The following VAC14 variants were observed in gnomAD, a reference collection of about 807,000 sequenced individuals.
VAC14 encodes VAC14 component of PIKFYVE complex.
VAC14 carries 47 observed loss-of-function variants against 85.3 expected under a neutral mutation model. That is an observed-to-expected ratio of 0.55 (90% CI 0.44 to 0.70). The LOEUF (loss-of-function observed/expected upper bound fraction) is 0.70. VAC14 is among the 30% of genes least tolerant of loss of function. VAC14 has a pLI of 0.00. For missense variants in VAC14, 861 were observed against 1,004.3 expected (o/e 0.86, Z 1.93); for synonymous variants, 447 against 430.5 (o/e 1.04, Z -0.47).
intron 14 of VAC14, among the ~76,000 whole-genome samples, chr16:70,703,171 G>A (rs954754681): frequency 1.3e-5 from 2 of 152,264 alleles, no homozygotes; most frequent in African/African-American, 4.8e-5. Flanking sequence ...CCCCAGCCCA[G>A]CTTGAGTTGC....
intron 15 of VAC14, 84 bp from the exon 16 acceptor site, chr16:70,697,341 ACAGGTCTAAGTCC>A: frequency 8.6e-7 from 1 of 1,167,132 alleles, no homozygotes; most frequent in Non-Finnish European, 1.3e-6. Flanking sequence ...GGGAAGGGCC[ACAGGTCTAAGTCC>A]CAGGGGCCTT....
chr16:70,751,425 C>T (rs986390542), intron 12 of VAC14, among the ~76,000 whole-genome samples: 40 of 152,220 alleles, frequency 2.6e-4, no homozygotes, highest in South Asian at 2.1e-4. Context: ...GCGGTCAGGT[C>T]GCAGGGCCTT....
rs751417150 is a variant in VAC14 at position 70,784,855 on chromosome 16, CAG to C, written c.424-19_424-18del. The C allele has an allele frequency of 3.1e-6, 5 of 1,612,780 alleles. No homozygotes were observed. Among genetic ancestry groups the C allele is most frequent in the Admixed American group, 3.3e-5 (2 of 59,986 alleles). On this transcript the variant is annotated intron_variant, in intron 3 of 18. Coordinates refer to ENST00000261776, the MANE Select transcript of VAC14 (RefSeq NM_018052.5). Reference sequence around the variant, plus strand: ...GGCTGCCAGCTGCAAGAGGCACAGACAGGGGAGGGACACAGAGGCGAGGGTCA... The same window carrying C: ...GGCTGCCAGCTGCAAGAGGCACAGACGGGAGGGACACAGAGGCGAGGGTCA...
chr16:70,760,039 G>A (rs181798553), intron 12 of VAC14, among the ~76,000 whole-genome samples: 11 of 152,304 alleles, frequency 7.2e-5, no homozygotes, highest in Non-Finnish European at 1.5e-4. Context: ...GGTCTAGCGC[G>A]ATTCCTCCCA....
At chr16:70,728,228 G>A (rs1597894282) in intron 14 of VAC14, among the ~76,000 whole-genome samples, 1 of 152,126 alleles carries the variant, frequency 6.6e-6, no homozygotes, top group African/African-American at 2.4e-5. Context: ...TGAGCCCCTG[G>A]AGGGTGGGAA....
intron 1 of VAC14, among the ~76,000 whole-genome samples, chr16:70,788,059 T>A (rs2034151301): frequency 6.6e-6 from 1 of 152,246 alleles, no homozygotes; most frequent in African/African-American, 2.4e-5. Context: ...ATGGCAGGTA[T>A]CTTGCTCACC....
At chr16:70,695,109 CT>C (rs574700749) in intron 17 of VAC14, among the ~76,000 whole-genome samples, 42,288 of 136,388 alleles carry the variant, frequency 0.31, 7,819 homozygotes, top group Non-Finnish European at 0.43. Flanking sequence ...TCATCCCAGT[CT>C]TTTTTTTTTT....
chr16:70,696,879 A>G (rs897104879), intron 16 of VAC14: 22 of 417,130 alleles, frequency 5.3e-5, no homozygotes, highest in African/African-American at 4.3e-4. Context: ...GGGCCTACTC[A>G]GTCCCAATCC....
intron 13 of VAC14, among the ~76,000 whole-genome samples, chr16:70,737,070 A>G (rs2054779600): frequency 6.6e-6 from 1 of 152,076 alleles, no homozygotes; most frequent in African/African-American, 2.4e-5. Context: ...CAGGCTCAGG[A>G]GGAGGAGATG....
At chr16:70,695,659 C>T (rs754946697) in intron 16 of VAC14, 36 bp from the exon 17 acceptor site, 9 of 1,599,602 alleles carry the variant, frequency 5.6e-6, no homozygotes, top group Non-Finnish European at 5.1e-6. Context: ...GTCTGCTGGG[C>T]CAGCACAGCC....
At chr16:70,737,595 G>A (rs1341008624) in intron 13 of VAC14, among the ~76,000 whole-genome samples, 12 of 152,194 alleles carry the variant, frequency 7.9e-5, no homozygotes, top group Admixed American at 3.9e-4. Context: ...GCACGTGACC[G>A]GCGGCTGGCC....
At chr16:70,731,416 G>T in intron 14 of VAC14, 79 bp downstream of exon 14, 1 of 1,552,776 alleles carries the variant, frequency 6.4e-7, no homozygotes, top group Non-Finnish European at 8.7e-7. Flanking sequence ...GAAGGTGGCT[G>T]CTTTGACACT....
At chr16:70,696,120 C>A (rs1247891025) in intron 16 of VAC14, among the ~76,000 whole-genome samples, 1 of 152,226 alleles carries the variant, frequency 6.6e-6, no homozygotes, top group Non-Finnish European at 1.5e-5. Flanking sequence ...CTTCCTTACT[C>A]CCAACTCCTG....
At chr16:70,786,446 G>C in intron 1 of VAC14, 81 bp from the exon 2 acceptor site, 1 of 1,558,520 alleles carries the variant, frequency 6.4e-7, no homozygotes, top group Non-Finnish European at 8.7e-7. Flanking sequence ...CAATGAGGAA[G>C]GGAGATGACC....
chr16:70,774,470 T>A (rs992791852), intron 9 of VAC14, among the ~76,000 whole-genome samples: 40 of 152,224 alleles, frequency 2.6e-4, no homozygotes, highest in African/African-American at 8.9e-4. Flanking sequence ...ACGCACAGTG[T>A]CTGCTGGGTT....
At position 70,694,701 on chromosome 16, in the gene VAC14, G is replaced by A. The variant is rs1200029791; in HGVS notation, c.2035+843C>T. On this transcript the variant is annotated intron_variant, in intron 17 of 18. Coordinates refer to ENST00000261776, the MANE Select transcript of VAC14 (RefSeq NM_018052.5). ...CTCTGCACATTATAAGCACATAAGC[G>A]TCATTCAAAGTGTGTATGTTGAGGT... is the stretch of plus-strand genomic sequence containing the variant. Among the ~76,000 whole-genome samples, 3 of 152,202 alleles carry A rather than the reference G, an allele frequency of 2.0e-5. No individual in the cohort carries two copies. The South Asian group carries it at 6.2e-4, about 31-fold the overall frequency.
chr16:70,760,909 C>T lies in VAC14; in HGVS notation c.1371+1631G>A, dbSNP rs191452687. On this transcript the variant is annotated intron_variant, in intron 12 of 18. Transcript: ENST00000261776. ...AGTCACTCCCAACTCGCAGGCAGAA[C>T]GGGGCCAAGTCCACCTGGGCCTCGC... 1.7e-3 allele frequency among the ~76,000 whole-genome samples: 250 copies of T among 148,262 alleles called. 3 individuals carry two copies. Among genetic ancestry groups the T allele is most frequent in the South Asian group, 0.011 (52 of 4,680 alleles).
chr16:70,759,054 A>G (rs1181314505), intron 12 of VAC14, among the ~76,000 whole-genome samples: 5 of 152,166 alleles, frequency 3.3e-5, no homozygotes, highest in Non-Finnish European at 5.9e-5. Context: ...GAGGCCACGC[A>G]CCCGTGGGAC....
chr16:70,752,655 C>T (rs746417143), intron 12 of VAC14, among the ~76,000 whole-genome samples: 2 of 152,236 alleles, frequency 1.3e-5, no homozygotes, highest in African/African-American at 4.8e-5. Context: ...TCCAGGGCCC[C>T]GCTTCATTGT....
Sources: allele counts gnomAD v4.1 joint callset (sites outside exome capture counted in the v4.1 genomes callset), GRCh38; gene constraint gnomAD v4.1.1; transcripts MANE v1.5; gene names NCBI Gene and HGNC (gene_info 2026-07-23, HGNC 2026-07-21).